RIC8B: variants seen among roughly 807,000 people sequenced by gnomAD.
RIC8B encodes chaperone Ric-8B.
A neutral mutation model predicts 57.5 loss-of-function variants in RIC8B; 16 were observed. The observed-to-expected ratio is 0.28, with a 90% CI of 0.19 to 0.42. The LOEUF (loss-of-function observed/expected upper bound fraction) is 0.42. Ranked by LOEUF, RIC8B falls within the 10% of genes least tolerant of loss-of-function variation. RIC8B has a pLI of 1.00. For missense variants in RIC8B, 481 were observed against 677.0 expected, an observed-to-expected ratio of 0.71 and a Z score of 3.21; for synonymous variants, 216 against 250.8, an observed-to-expected ratio of 0.86 and a Z score of 1.31.
At chr12:106,805,462 A>C (rs981324894) in intron 2 of RIC8B, among the ~76,000 whole-genome samples, 1 of 152,054 alleles carries the variant, frequency 6.6e-6, no homozygotes, top group Non-Finnish European at 1.5e-5. Context: ...GCACCACTGC[A>C]CTCCAGCCTA....
In RIC8B at chr12:106,783,793, T is replaced by G. The variant is rs80111950; in HGVS notation, c.85-204T>G. 1.9e-3 allele frequency among the ~76,000 whole-genome samples: 288 copies of G among 152,352 alleles called. 2 individuals carry two copies. The highest frequency in any genetic ancestry group is 6.6e-3 in the African/African-American group (273 of 41,580). On this transcript the variant is annotated intron_variant, in intron 1 of 9. Transcript: ENST00000392837. ...TTAGTGGCTTGGTTTGCTGTGCTCC[T>G]TTGTATATATATCTGCTGTAGTCTT...
chr12:106,837,376 A>G lies in RIC8B; in HGVS notation c.837-5213A>G, dbSNP rs1593260602. Among the ~76,000 whole-genome samples the G allele has an allele frequency of 3.9e-5, 6 of 152,202 alleles. No homozygotes were observed. In the South Asian group the frequency reaches 1.2e-3, roughly 32 times the overall value. Reference sequence around the variant, plus strand: ...GACTGTTTCTCAAAAAAAAAAAAGTATAACCCATACATACTAGTTTACCCT... The same window carrying G: ...GACTGTTTCTCAAAAAAAAAAAAGTGTAACCCATACATACTAGTTTACCCT... On this transcript the variant is annotated intron_variant, in intron 4 of 9. Transcript: ENST00000392837.
At chr12:106,784,087 A>G (rs1394616670) in intron 2 of RIC8B, 43 bp downstream of exon 2, 3 of 1,519,594 alleles carry the variant, frequency 2.0e-6, no homozygotes, top group East Asian at 2.3e-5. Flanking sequence ...GTGTGTGTGT[A>G]TTGCATTCAT....
At chr12:106,801,852 G>A (rs1413854026) in intron 2 of RIC8B, among the ~76,000 whole-genome samples, 1 of 152,190 alleles carries the variant, frequency 6.6e-6, no homozygotes, top group East Asian at 1.9e-4. Context: ...TACAGTTATA[G>A]TAAGCTTATT....
At chr12:106,784,535 T>G (rs981299537) in intron 2 of RIC8B, among the ~76,000 whole-genome samples, 1 of 152,110 alleles carries the variant, frequency 6.6e-6, no homozygotes, top group Non-Finnish European at 1.5e-5. Flanking sequence ...ATTTTAAAAT[T>G]TTTTTGTAGA....
intron 8 of RIC8B, among the ~76,000 whole-genome samples, chr12:106,861,893 A>G (rs1003882975): frequency 2.0e-5 from 3 of 152,122 alleles, no homozygotes; most frequent in Non-Finnish European, 4.4e-5. Flanking sequence ...ATGAGTACTC[A>G]TACATGGTTG....
At chr12:106,797,597 A>G (rs1218435336) in intron 2 of RIC8B, among the ~76,000 whole-genome samples, 1 of 152,224 alleles carries the variant, frequency 6.6e-6, no homozygotes, top group Non-Finnish European at 1.5e-5. Context: ...ACAAGTGTGA[A>G]TATAGTAAAA....
intron 9 of RIC8B, among the ~76,000 whole-genome samples, chr12:106,875,199 AATG>A (rs72084604): frequency 0.091 from 13,881 of 152,174 alleles, 767 homozygotes; most frequent in South Asian, 0.16. Context: ...TTTAATATAG[AATG>A]ATAACTGTAA....
chr12:106,822,077 C>CAAAAAAAAAAA (rs67378158), intron 3 of RIC8B, among the ~76,000 whole-genome samples: 9 of 38,036 alleles, frequency 2.4e-4, no homozygotes, highest in Admixed American at 1.2e-3. Flanking sequence ...GACTCCATCT[C>CAAAAAAAAAAA]AAAAAAAAAA....
intron 4 of RIC8B, among the ~76,000 whole-genome samples, chr12:106,829,877 G>A (rs114685370): frequency 0.012 from 1,789 of 152,286 alleles, 17 homozygotes; most frequent in Middle Eastern, 0.048. Flanking sequence ...CAGGATTGGT[G>A]GGGGATCATT....
chr12:106,795,612 G>A (rs1357856086), intron 2 of RIC8B, among the ~76,000 whole-genome samples: 1 of 152,122 alleles, frequency 6.6e-6, no homozygotes, highest in East Asian at 1.9e-4. Flanking sequence ...GCACTGTCTT[G>A]TCTGCTCCTT....
chr12:106,828,079 T>TGCTA (rs1249795104), intron 4 of RIC8B, among the ~76,000 whole-genome samples: 1 of 152,268 alleles, frequency 6.6e-6, no homozygotes, highest in Non-Finnish European at 1.5e-5. Flanking sequence ...TCCTTAGTGA[T>TGCTA]GCTAGCTTTT....
intron 4 of RIC8B, among the ~76,000 whole-genome samples, chr12:106,829,691 A>C (rs192273870): frequency 1.1e-3 from 163 of 152,230 alleles, no homozygotes; most frequent in African/African-American, 3.8e-3. Flanking sequence ...TGGTGGTTCT[A>C]TTTATAATGT....
At chr12:106,849,827 T>G (rs1949385818) in intron 6 of RIC8B, among the ~76,000 whole-genome samples, 1 of 152,244 alleles carries the variant, frequency 6.6e-6, no homozygotes, top group Admixed American at 6.5e-5. Flanking sequence ...TAATATATTT[T>G]CTGCCCTTAT....
chr12:106,784,111 A>G, intron 2 of RIC8B, 67 bp downstream of exon 2: 1 of 1,404,474 alleles, frequency 7.1e-7, no homozygotes, highest in Admixed American at 1.8e-5. Flanking sequence ...CTTTCTAAGC[A>G]GTGGTCATGT....
intron 1 of RIC8B, among the ~76,000 whole-genome samples, chr12:106,783,475 A>G (rs1394432688): frequency 1.3e-5 from 2 of 152,248 alleles, no homozygotes; most frequent in East Asian, 3.8e-4. Flanking sequence ...TTCTTATTGC[A>G]TATGAAAAAG....
At chr12:106,855,579 C>G (rs1949683943) in intron 7 of RIC8B, among the ~76,000 whole-genome samples, 1 of 152,186 alleles carries the variant, frequency 6.6e-6, no homozygotes, top group Non-Finnish European at 1.5e-5. Flanking sequence ...TATTACGTCT[C>G]TCATAACAGT....
chr12:106,860,409 C>G lies in RIC8B; in HGVS notation c.1448C>G (p.Pro483Arg). 6.4e-7 allele frequency: 1 copy of G among 1,554,536 alleles called. No homozygotes were observed. Among genetic ancestry groups the G allele is most frequent in the South Asian group, 1.2e-5 (1 of 82,244 alleles). Reference protein sequence around the residue: ...TDTEEYKNAKPNINLITGHLE... With the variant: ...TDTEEYKNAKRNINLITGHLE... ...ACTGAAGAATACAAAAATGCAAAACCAAAGTATAGTATCAAATTTCTTTTC... is the reference window on the plus strand; with the variant it reads ...ACTGAAGAATACAAAAATGCAAAACGAAAGTATAGTATCAAATTTCTTTTC... The change falls in exon 8 of 10, where the codon CCA becomes CGA. Residue 483 changes from proline to arginine, a missense_variant. Physicochemically the swap from Pro to Arg is moderately radical, Grantham distance 103 (BLOSUM62 -2). Around this residue, in one of 3 missense-constraint regions of RIC8B, gnomAD observed 43 missense variants for 99.8 expected, o/e 0.43. Transcript: ENST00000392837.
intron 2 of RIC8B, among the ~76,000 whole-genome samples, chr12:106,789,287 G>A (rs2044165530): frequency 6.6e-6 from 1 of 152,136 alleles, no homozygotes; most frequent in South Asian, 2.1e-4. Context: ...TCTCTAGGAG[G>A]TTCCAAACTT....
Sources: allele counts gnomAD v4.1 joint callset (sites outside exome capture counted in the v4.1 genomes callset), GRCh38; gene constraint gnomAD v4.1.1; regional missense constraint gnomAD v4.1.1; transcripts MANE v1.5; gene names NCBI Gene and HGNC (gene_info 2026-07-23, HGNC 2026-07-21).